Variants in ELAVL4 observed in about 807,000 individuals in gnomAD.
The protein encoded by ELAVL4 is ELAV-like protein 4.
In ELAVL4, 1 loss-of-function variant was observed where a neutral mutation model predicts 35.6. The observed-to-expected ratio is 0.03, with a 90% CI of 0.01 to 0.13. The LOEUF is 0.13. ELAVL4 is among the 10% of genes least tolerant of loss of function. ELAVL4 has a pLI of 1.00. For missense variants in ELAVL4, 267 were observed against 464.9 expected, an observed-to-expected ratio of 0.57 and a Z score of 3.91; for synonymous variants, 156 against 171.0, an observed-to-expected ratio of 0.91 and a Z score of 0.69.
intron 2 of ELAVL4, among the ~76,000 whole-genome samples, chr1:50,158,365 C>T (rs1208789318): frequency 6.6e-6 from 1 of 152,134 alleles, no homozygotes; most frequent in African/African-American, 2.4e-5. Context: ...ACTGTACTAG[C>T]TTCCAGGGTC....
At chr1:50,104,493 T>C (rs559626254), upstream of ELAVL4, among the ~76,000 whole-genome samples, 1 of 152,362 alleles carries the variant, frequency 6.6e-6, no homozygotes, top group East Asian at 1.9e-4. Flanking sequence ...TAAATGGTAT[T>C]AAGTGATGCC....
chr1:50,062,786 C>T (rs186937503), intron 1 of ELAVL4, among the ~76,000 whole-genome samples: 173 of 152,258 alleles, frequency 1.1e-3, no homozygotes, highest in African/African-American at 3.9e-3. Flanking sequence ...TTCCATTCCC[C>T]TTTAAATTTT....
At chr1:50,151,663 T>C (rs577385888) in intron 2 of ELAVL4, among the ~76,000 whole-genome samples, 136 of 152,334 alleles carry the variant, frequency 8.9e-4, no homozygotes, top group Middle Eastern at 6.8e-3. Context: ...TTTATCAGCA[T>C]ATTTTGCTGC....
upstream of ELAVL4, among the ~76,000 whole-genome samples, chr1:50,101,619 A>G (rs912358526): frequency 4.6e-5 from 7 of 151,934 alleles, no homozygotes; most frequent in African/African-American, 1.7e-4. Flanking sequence ...ACAAATATTT[A>G]CTAAGGCTGG....
intron 6 of ELAVL4, among the ~76,000 whole-genome samples, chr1:50,198,085 T>G (rs1270313806): frequency 6.6e-6 from 1 of 152,232 alleles, no homozygotes; most frequent in Non-Finnish European, 1.5e-5. Context: ...TGTTACAGGT[T>G]TTAACAGTTC....
intron 1 of ELAVL4, 127 bp downstream of exon 1, chr1:50,109,325 C>G: frequency 1.0e-6 from 1 of 989,574 alleles, no homozygotes; most frequent in South Asian, 1.6e-5. Context: ...CCTACATTTA[C>G]TATCTCTTTT....
chr1:50,074,789 A>G (rs773482723), intron 1 of ELAVL4, among the ~76,000 whole-genome samples: 1 of 152,178 alleles, frequency 6.6e-6, no homozygotes, highest in Non-Finnish European at 1.5e-5. Flanking sequence ...AGAACAGTAA[A>G]GGCAGAGGTA....
intron 1 of ELAVL4, among the ~76,000 whole-genome samples, chr1:50,136,356 C>G (rs1034294213): frequency 1.3e-5 from 2 of 152,108 alleles, no homozygotes; most frequent in African/African-American, 2.4e-5. Context: ...TACTACATGT[C>G]AGAATTTTAC....
At chr1:50,116,332 A>G (rs1490500403) in intron 1 of ELAVL4, among the ~76,000 whole-genome samples, 1 of 151,988 alleles carries the variant, frequency 6.6e-6, no homozygotes, top group Non-Finnish European at 1.5e-5. Flanking sequence ...TGGCATGCCA[A>G]ATTGGAAGTT....
exon 1 of ELAVL4, chr1:50,048,079 G>T: frequency 7.1e-7 from 1 of 1,409,882 alleles, no homozygotes; most frequent in African/African-American, 1.5e-5. Context: ...AGCGAGAGCG[G>T]TGAGACTCTG....
intron 3 of ELAVL4, 121 bp downstream of exon 3, chr1:50,177,313 T>C (rs1008777323): frequency 1.3e-6 from 1 of 742,796 alleles, no homozygotes; most frequent in Non-Finnish European, 2.3e-6. Context: ...TCAAAGAACA[T>C]TTACCATCCA....
At chr1:50,049,102 G>A (rs1663223258) in intron 1 of ELAVL4, among the ~76,000 whole-genome samples, 1 of 152,168 alleles carries the variant, frequency 6.6e-6, no homozygotes, top group South Asian at 2.1e-4. Flanking sequence ...TTCCCAAGCT[G>A]TTAGCCAATA....
intron 1 of ELAVL4, among the ~76,000 whole-genome samples, chr1:50,114,728 C>T (rs937035683): frequency 2.0e-5 from 3 of 151,980 alleles, no homozygotes; most frequent in Non-Finnish European, 4.4e-5. Flanking sequence ...TAATTATATC[C>T]AGTTTGGGAT....
intron 2 of ELAVL4, among the ~76,000 whole-genome samples, chr1:50,172,262 G>A (rs538300058): frequency 5.3e-5 from 8 of 152,198 alleles, no homozygotes; most frequent in African/African-American, 1.7e-4. Context: ...AAAATAAGGG[G>A]TTATAACCAG....
Position 50,200,846 on chromosome 1 carries a change from C to T in ELAVL4, c.774-5C>T. On this transcript the variant is annotated splice_polypyrimidine_tract_variant and splice_region_variant and intron_variant, in intron 6 of 6. Coordinates refer to ENST00000371824, the MANE Select transcript of ELAVL4 (RefSeq NM_001144774.3). Reference sequence around the variant, plus strand: ...ACCAGTCCCCCCTTCTGCTTGTCCCCCCAGGTTCTCCCCAATTACCATTGA... The same window carrying T: ...ACCAGTCCCCCCTTCTGCTTGTCCCTCCAGGTTCTCCCCAATTACCATTGA... The T allele has an allele frequency of 1.9e-6, 3 of 1,612,606 alleles. No homozygotes were observed. The highest frequency in any genetic ancestry group is 2.5e-6 in the Non-Finnish European group (3 of 1,179,348).
At chr1:50,070,037 G>A (rs144836849) in intron 1 of ELAVL4, among the ~76,000 whole-genome samples, 7 of 152,204 alleles carry the variant, frequency 4.6e-5, no homozygotes, top group Non-Finnish European at 7.3e-5. Flanking sequence ...GTATAGAAGT[G>A]TGCAGGGAAT....
upstream of ELAVL4, chr1:50,106,426 C>T (rs1410106556): frequency 1.3e-6 from 2 of 1,544,898 alleles, no homozygotes; most frequent in South Asian, 2.3e-5. Context: ...GGCAGCCCCA[C>T]AGTGCTGGGA....
chr1:50,049,877 C>A (rs2148466729), intron 1 of ELAVL4, among the ~76,000 whole-genome samples: 1 of 152,126 alleles, frequency 6.6e-6, no homozygotes, highest in East Asian at 1.9e-4. Context: ...CCTCTGAAAC[C>A]TTTACTTGCT....
At chr1:50,166,013 G>A (rs988218071) in intron 2 of ELAVL4, among the ~76,000 whole-genome samples, 1 of 151,920 alleles carries the variant, frequency 6.6e-6, no homozygotes, top group Non-Finnish European at 1.5e-5. Context: ...AGGCTGGGAG[G>A]CTAGGCCAGT....
Sources: gnomAD v4.1 joint callset for allele counts (sites outside exome capture counted in the v4.1 genomes callset) on GRCh38, gnomAD v4.1.1 for gene constraint, MANE v1.5 for transcripts, NCBI Gene and HGNC (gene_info 2026-07-23, HGNC 2026-07-21) for gene names.